Variants in MEIS1 observed in about 807,000 individuals in gnomAD.
MEIS1 encodes the protein homeobox protein Meis1.
In MEIS1, 5 loss-of-function variants were observed where a neutral mutation model predicts 50.8. The ratio of observed to expected loss-of-function variants is 0.10; its 90% CI spans 0.05 to 0.21. MEIS1 has a LOEUF of 0.21. Ranked by LOEUF, MEIS1 falls within the 10% of genes least tolerant of loss-of-function variation. MEIS1 has a pLI of 1.00. For missense variants in MEIS1, 318 were observed against 517.3 expected (o/e 0.61, Z 3.74); for synonymous variants, 176 against 179.3 (o/e 0.98, Z 0.15).
Position 66,571,445 on chromosome 2 carries a change from G to A in MEIS1, c.*237G>A. 1 of 1,604,166 alleles carries A rather than the reference G, an allele frequency of 6.2e-7. No individual in the cohort carries two copies. Among genetic ancestry groups the A allele is most frequent in the Non-Finnish European group, 8.5e-7 (1 of 1,175,504 alleles). On this transcript the variant is annotated 3_prime_UTR_variant, in exon 13 of 13. Coordinates refer to ENST00000272369, the MANE Select transcript of MEIS1 (RefSeq NM_002398.3). ...ATGGAGGACCGCCCCACCCTGGAAT[G>A]CCAATGTCAGCATCAAGCCCCACAG...
intron 7 of MEIS1, among the ~76,000 whole-genome samples, chr2:66,504,058 T>A (rs1673628666): frequency 6.6e-6 from 1 of 151,904 alleles, no homozygotes; most frequent in African/African-American, 2.4e-5. Context: ...TGAGGCATAT[T>A]TTTAAATGCT....
rs1361832771 is a variant in MEIS1 at position 66,545,541 on chromosome 2, C to G, written c.889-2402C>G. Reference sequence around the variant, plus strand: ...TCCCATAGTTAATGAGTGGCAGCATCATTTATACAATCTAATAGAGTCACC... The same window carrying G: ...TCCCATAGTTAATGAGTGGCAGCATGATTTATACAATCTAATAGAGTCACC... On this transcript the variant is annotated intron_variant, in intron 8 of 12. Transcript: ENST00000272369. Among the ~76,000 whole-genome samples, 4 of 152,200 alleles carry G rather than the reference C, an allele frequency of 2.6e-5. No homozygotes were observed. In the East Asian group the frequency reaches 7.7e-4, roughly 29 times the overall value.
intron 5 of MEIS1, chr2:66,442,659 G>T (rs542705220): frequency 7.8e-5 from 33 of 423,784 alleles, no homozygotes; most frequent in South Asian, 3.2e-4. Flanking sequence ...TTTAACACGG[G>T]TGTTGAATAT....
intron 9 of MEIS1, among the ~76,000 whole-genome samples, chr2:66,561,764 C>T (rs1285995912): frequency 6.6e-6 from 1 of 152,134 alleles, no homozygotes; most frequent in Non-Finnish European, 1.5e-5. Flanking sequence ...TAGTTAGGAA[C>T]CTTCTGAAGT....
intron 1 of MEIS1, chr2:66,437,074 A>G (rs563710356): frequency 2.0e-6 from 1 of 495,488 alleles, no homozygotes; most frequent in South Asian, 8.7e-5. Context: ...GCCCAATTCT[A>G]AATTCAGCTC....
At chr2:66,440,105 A>G (rs1251641717) in intron 3 of MEIS1, 121 bp downstream of exon 3, 1 of 876,242 alleles carries the variant, frequency 1.1e-6, no homozygotes, top group East Asian at 2.7e-5. Flanking sequence ...CACACTTTCA[A>G]AAGTAGCCAG....
intron 3 of MEIS1, 148 bp from the exon 4 acceptor site, chr2:66,440,414 A>G: frequency 1.4e-6 from 1 of 705,180 alleles, no homozygotes; most frequent in Non-Finnish European, 2.6e-6. Flanking sequence ...CGCGGGACGA[A>G]CTCGGTGTCA....
At chr2:66,448,658 A>G (rs1439073090) in intron 6 of MEIS1, among the ~76,000 whole-genome samples, 1 of 152,210 alleles carries the variant, frequency 6.6e-6, no homozygotes, top group African/African-American at 2.4e-5. Context: ...AAATATGTCA[A>G]ACAAATGTGA....
At chr2:66,548,772 T>A (rs572396174) in intron 9 of MEIS1, among the ~76,000 whole-genome samples, 1 of 152,336 alleles carries the variant, frequency 6.6e-6, no homozygotes, top group African/African-American at 2.4e-5. Flanking sequence ...CGAAATCCAA[T>A]ATCCTCTAAA....
intron 9 of MEIS1, among the ~76,000 whole-genome samples, chr2:66,558,094 A>T (rs1675113179): frequency 6.6e-6 from 1 of 152,000 alleles, no homozygotes; most frequent in Non-Finnish European, 1.5e-5. Flanking sequence ...AGCCTGATGA[A>T]CATAGAAAAA....
At chr2:66,546,405 T>C (rs1035541914) in intron 8 of MEIS1, among the ~76,000 whole-genome samples, 7 of 152,150 alleles carry the variant, frequency 4.6e-5, no homozygotes, top group Non-Finnish European at 1.0e-4. Context: ...TTGCAGGCCA[T>C]GGTAACCAGT....
At chr2:66,512,559 A>G (rs1673858901) in intron 8 of MEIS1, among the ~76,000 whole-genome samples, 2 of 152,182 alleles carry the variant, frequency 1.3e-5, no homozygotes, top group East Asian at 1.9e-4. Flanking sequence ...GATTTTAAGT[A>G]TGTGTTTTAA....
chr2:66,458,840 C>T (rs961951748), intron 6 of MEIS1, among the ~76,000 whole-genome samples: 1 of 152,144 alleles, frequency 6.6e-6, no homozygotes, highest in African/African-American at 2.4e-5. Context: ...TGATGTCTCT[C>T]ATATGGGAGA....
At chr2:66,571,002 A>G (rs1402270034) in intron 12 of MEIS1, 4 of 456,214 alleles carry the variant, frequency 8.8e-6, no homozygotes, top group Non-Finnish European at 1.2e-5. Flanking sequence ...TTTTTAATAA[A>G]TAAGACCTCA....
At position 66,435,743 on chromosome 2, in the gene MEIS1, CTTTTTT is replaced by C. The variant is rs70943697; in HGVS notation, c.-95_-90del. On this transcript the variant is annotated 5_prime_UTR_variant, in exon 1 of 13. Transcript: ENST00000272369. The stretch of plus-strand genomic sequence containing the variant: ...AGACGTTAAGGGATTTTTCGTCGTG[CTTTTTT>C]TTTTTTTTTTTTTTTTTTCCGGGGG... The C allele has an allele frequency of 4.9e-3, 1,629 of 333,162 alleles. No individual in the cohort carries two copies. Among genetic ancestry groups the C allele is most frequent in the South Asian group, 8.9e-3 (124 of 13,906 alleles). 20.6% of individuals were successfully genotyped at this position (333,162 alleles called of 1,614,324 possible).
intron 9 of MEIS1, among the ~76,000 whole-genome samples, chr2:66,548,645 A>G (rs1027378439): frequency 9.9e-5 from 15 of 152,198 alleles, no homozygotes; most frequent in African/African-American, 3.6e-4. Flanking sequence ...TTCTGACTCA[A>G]TGTACAGCAG....
At chr2:66,536,981 G>C (rs766076875) in intron 8 of MEIS1, among the ~76,000 whole-genome samples, 3 of 152,150 alleles carry the variant, frequency 2.0e-5, no homozygotes, top group Non-Finnish European at 4.4e-5. Context: ...TCCATTATTT[G>C]TCATCTTTAT....
At chr2:66,481,471 A>G (rs1261577534) in intron 7 of MEIS1, among the ~76,000 whole-genome samples, 1 of 152,206 alleles carries the variant, frequency 6.6e-6, no homozygotes, top group Non-Finnish European at 1.5e-5. Context: ...AAGCTAATCC[A>G]GGTTCCTATT....
chr2:66,543,847 T>G (rs1337057899), intron 8 of MEIS1, among the ~76,000 whole-genome samples: 1 of 152,236 alleles, frequency 6.6e-6, no homozygotes, highest in African/African-American at 2.4e-5. Context: ...ATGAGGCTAA[T>G]GTACACAACA....
Sources: gnomAD v4.1 joint callset for allele counts (sites outside exome capture counted in the v4.1 genomes callset) on GRCh38, gnomAD v4.1.1 for gene constraint, MANE v1.5 for transcripts, NCBI Gene and HGNC (gene_info 2026-07-23, HGNC 2026-07-21) for gene names.